SLC36A1: variants seen among roughly 807,000 people sequenced by gnomAD.
The protein encoded by SLC36A1 is proton-coupled amino acid transporter 1.
SLC36A1 carries 30 observed loss-of-function variants against 47.5 expected under a neutral mutation model. That is an observed-to-expected ratio of 0.63 (90% CI 0.47 to 0.86). The LOEUF (loss-of-function observed/expected upper bound fraction) is 0.86. Among genes scored for constraint, SLC36A1 ranks in the 40% least tolerant of loss-of-function variants. The probability of loss-of-function intolerance (pLI) is 0.00; values close to 1 mark genes in which losing one functional copy is unlikely to be tolerated. For missense variants in SLC36A1, 517 were observed against 606.0 expected (o/e 0.85, Z 1.54); for synonymous variants, 255 against 249.7 (o/e 1.02, Z -0.20).
the SLC36A1 span, among the ~76,000 whole-genome samples, chr5:151,415,184 C>T: frequency 6.6e-6 from 1 of 152,140 alleles, no homozygotes; most frequent in East Asian, 1.9e-4. Flanking sequence ...AATCAACTTC[C>T]ACTCTTGCCC....
the SLC36A1 span, among the ~76,000 whole-genome samples, chr5:151,526,397 T>G: frequency 6.6e-6 from 1 of 152,240 alleles, no homozygotes; most frequent in African/African-American, 2.4e-5. Context: ...GCATGCAATA[T>G]GTATCTGATA....
At chr5:151,467,639 C>A in intron 6 of SLC36A1, 68 bp from the exon 7 acceptor site, 2 of 1,339,062 alleles carry the variant, frequency 1.5e-6, no homozygotes, top group Non-Finnish European at 2.1e-6. Flanking sequence ...GAACCTCTTC[C>A]AGCAGAGGAT....
At chr5:151,478,893 TAAAA>T (rs1277367515) in intron 9 of SLC36A1, among the ~76,000 whole-genome samples, 1 of 152,230 alleles carries the variant, frequency 6.6e-6, no homozygotes, top group South Asian at 2.1e-4. Context: ...TTTTTTCACT[TAAAA>T]AAAGTGATAT....
At chr5:151,483,042 CAATAAA>C (rs573045619) in intron 10 of SLC36A1, among the ~76,000 whole-genome samples, 15 of 151,830 alleles carry the variant, frequency 9.9e-5, no homozygotes, top group Non-Finnish European at 1.5e-4. Flanking sequence ...ATCTCAAAAA[CAATAAA>C]AATAAAAATA....
the SLC36A1 span, among the ~76,000 whole-genome samples, chr5:151,351,662 A>C: frequency 6.6e-6 from 1 of 152,164 alleles, no homozygotes; most frequent in East Asian, 1.9e-4. Context: ...AGTTATCATC[A>C]TCATCATCAT....
At chr5:151,440,555 G>T (rs1752564710) in intron 1 of SLC36A1, among the ~76,000 whole-genome samples, 1 of 147,304 alleles carries the variant, frequency 6.8e-6, no homozygotes, top group Non-Finnish European at 1.5e-5. Flanking sequence ...TACTCTTGAG[G>T]GCTTGGGATG....
At chr5:151,347,179 A>G in the SLC36A1 span, 2 of 1,290,624 alleles carry the variant, frequency 1.5e-6, no homozygotes, top group Admixed American at 1.7e-5. Context: ...ACCTTTTGCA[A>G]CCTTGGTTTC....
At chr5:151,408,356 T>A in the SLC36A1 span, among the ~76,000 whole-genome samples, 2 of 152,102 alleles carry the variant, frequency 1.3e-5, no homozygotes, top group African/African-American at 2.4e-5. Context: ...GCCTGGCTAA[T>A]TTTTGTATTT....
At chr5:151,461,156 T>G (rs917443287) in intron 2 of SLC36A1, among the ~76,000 whole-genome samples, 1 of 52,616 alleles carries the variant, frequency 1.9e-5, no homozygotes, top group African/African-American at 3.1e-4. Context: ...CTTTTTGTAT[T>G]TTTTTTTTTT....
At chr5:151,507,749 A>T in the SLC36A1 span, 1 of 698,090 alleles carries the variant, frequency 1.4e-6, no homozygotes, top group South Asian at 1.9e-5. Context: ...AAAAGTAACT[A>T]TCAAGCATAT....
chr5:151,350,762 T>C, the SLC36A1 span, among the ~76,000 whole-genome samples: 1 of 152,104 alleles, frequency 6.6e-6, no homozygotes, highest in Admixed American at 6.5e-5. Flanking sequence ...AGTGCAATGG[T>C]GTGATCGCGG....
At chr5:151,505,444 C>T in the SLC36A1 span, 2 of 1,224,492 alleles carry the variant, frequency 1.6e-6, no homozygotes, top group Admixed American at 2.5e-5. Context: ...GGACAACAGC[C>T]TGGGCTGAGG....
intron 2 of SLC36A1, chr5:151,459,824 C>G (rs1755243718): frequency 6.7e-6 from 1 of 149,154 alleles, no homozygotes; most frequent in African/African-American, 2.5e-5. Context: ...AGCTTCTGGG[C>G]TCATCACTGG....
the SLC36A1 span, among the ~76,000 whole-genome samples, chr5:151,383,360 C>T: frequency 2.0e-4 from 31 of 152,176 alleles, no homozygotes; most frequent in Middle Eastern, 6.8e-3. Flanking sequence ...ATTTGGTCTG[C>T]AGTATTGTAG....
the SLC36A1 span, among the ~76,000 whole-genome samples, chr5:151,385,009 A>AGTGT: frequency 4.5e-4 from 58 of 128,522 alleles, 1 homozygote; most frequent in Admixed American, 8.1e-4. Flanking sequence ...AGAGAGAGAG[A>AGTGT]GTGTGTGTGT....
chr5:151,486,046 C>G (rs1581224933), intron 10 of SLC36A1, among the ~76,000 whole-genome samples: 1 of 152,172 alleles, frequency 6.6e-6, no homozygotes, highest in Non-Finnish European at 1.5e-5. Context: ...AAAGAAGCAC[C>G]TGAGACTGGG....
chr5:151,436,193 T>C (rs1317334240), upstream of SLC36A1, among the ~76,000 whole-genome samples: 7 of 152,346 alleles, frequency 4.6e-5, no homozygotes, highest in African/African-American at 1.7e-4. Flanking sequence ...ATGAATACAC[T>C]GGTGCAACTT....
At chr5:151,526,405 A>G in the SLC36A1 span, among the ~76,000 whole-genome samples, 1 of 152,350 alleles carries the variant, frequency 6.6e-6, no homozygotes, top group African/African-American at 2.4e-5. Context: ...TATGTATCTG[A>G]TAAGCACACT....
At chr5:151,494,788 C>T (rs182489045), downstream of SLC36A1, among the ~76,000 whole-genome samples, 1 of 152,282 alleles carries the variant, frequency 6.6e-6, no homozygotes, top group East Asian at 1.9e-4. Context: ...AATTTAGAAA[C>T]TACCTCTTCT....
Sources: allele counts gnomAD v4.1 joint callset (sites outside exome capture counted in the v4.1 genomes callset), GRCh38; gene constraint gnomAD v4.1.1; transcripts MANE v1.5; gene names NCBI Gene and HGNC (gene_info 2026-07-23, HGNC 2026-07-21).